PDK2: variants seen among roughly 807,000 people sequenced by gnomAD.
The protein encoded by PDK2 is pyruvate dehydrogenase kinase, isozyme 2.
In PDK2, 34 loss-of-function variants were observed where a neutral mutation model predicts 50.4. The observed-to-expected ratio is 0.68, with a 90% CI of 0.51 to 0.90. The LOEUF is 0.90. PDK2 is among the 40% of genes least tolerant of loss of function. PDK2 has a pLI of 0.00. For synonymous variants in PDK2, 232 were observed against 216.0 expected (o/e 1.07, Z -0.65); for missense variants, 377 against 544.5 (o/e 0.69, Z 3.06).
At chr17:50,108,511 C>A in intron 8 of PDK2, 94 bp downstream of exon 8, 2 of 1,339,192 alleles carry the variant, frequency 1.5e-6, no homozygotes, top group African/African-American at 1.4e-5. Context: ...ACATGGTGGG[C>A]AGATCCTGGG....
chr17:50,101,975 A>G lies in PDK2; in HGVS notation c.261-3396A>G, dbSNP rs1039882853. On this transcript the variant is annotated intron_variant, in intron 2 of 10. Coordinates refer to ENST00000503176, the MANE Select transcript of PDK2 (RefSeq NM_002611.5). This position sits in a 1 kb window ranked among gnomAD's most constrained non-coding sequence, Gnocchi z 4.2. ...CAGGTCCTGGGGAGGGGTGGGGGCA[A>G]TGCCTCTCCCGCCTGTTGGTGCCTG... 12 of 152,224 alleles carry G rather than the reference A, an allele frequency of 7.9e-5. No individual in the cohort carries two copies. Among genetic ancestry groups the G allele is most frequent in the African/African-American group, 2.9e-4 (12 of 41,404 alleles). 9.4% of individuals were successfully genotyped at this position (152,224 alleles called of 1,614,324 possible). A position where few individuals can be genotyped will look rare whatever the true frequency, so the allele number is the denominator to read the frequency against.
intron 4 of PDK2, 41 bp downstream of exon 4, chr17:50,106,110 G>C (rs995944731): frequency 1.3e-6 from 2 of 1,556,114 alleles, no homozygotes; most frequent in Non-Finnish European, 1.7e-6. Context: ...GCGGTGGGGG[G>C]GGCGGTGCTG....
chr17:50,108,039 C>A (rs1910607999), intron 6 of PDK2, 117 bp from the exon 7 acceptor site: 1 of 774,722 alleles, frequency 1.3e-6, no homozygotes, highest in Non-Finnish European at 2.2e-6. Context: ...GATTTAGTCT[C>A]TCGCTGGGCA....
At chr17:50,105,295 G>A (rs9902933) in intron 2 of PDK2, 76 bp from the exon 3 acceptor site, 4 of 1,063,208 alleles carry the variant, frequency 3.8e-6, no homozygotes, top group African/African-American at 3.2e-5. Context: ...CAAGAGCAAG[G>A]CCCAGTTGAA....
At chr17:50,105,833 AG>A in intron 3 of PDK2, 51 bp from the exon 4 acceptor site, 1 of 1,584,522 alleles carries the variant, frequency 6.3e-7, no homozygotes, top group Non-Finnish European at 8.6e-7. Flanking sequence ...GGGAGTCAGA[AG>A]CGGAGAAGAG....
chr17:50,111,008 G>A lies in PDK2; in HGVS notation c.*911G>A, dbSNP rs1445093927. 1 of 152,236 alleles carries A rather than the reference G, an allele frequency of 6.6e-6. No individual in the cohort carries two copies. The highest frequency in any genetic ancestry group is 2.4e-5 in the African/African-American group (1 of 41,440). 9.4% of individuals were successfully genotyped at this position (152,236 alleles called of 1,614,324 possible). On this transcript the variant is annotated 3_prime_UTR_variant, in exon 11 of 11. Coordinates refer to ENST00000503176, the MANE Select transcript of PDK2 (RefSeq NM_002611.5). Reference sequence around the variant, plus strand: ...AAGCTGTGTGTCCCTCCCAGTGGCTGTGGCAGTGACAGTGACACCCACACC... The same window carrying A: ...AAGCTGTGTGTCCCTCCCAGTGGCTATGGCAGTGACAGTGACACCCACACC...
chr17:50,097,505 G>C lies in PDK2; in HGVS notation c.201G>C (p.Glu67Asp). ...LPVRLANIMK[E>D]INLLPDRVLS... is the part of the protein sequence containing the mutation. The stretch of plus-strand genomic sequence containing the variant: ...TGCGCCTGGCCAACATCATGAAAGA[G>C]ATCAACCTGCTTCCCGACCGAGTGC... The change falls in exon 2 of 11, where the codon GAG becomes GAC. Residue 67 changes from glutamate to aspartate, a missense_variant. Transcript: ENST00000503176. 1 of 1,613,974 alleles carries C rather than the reference G, an allele frequency of 6.2e-7. No homozygotes were observed. The highest frequency in any genetic ancestry group is 8.5e-7 in the Non-Finnish European group (1 of 1,180,022).
At chr17:50,108,461 G>A in intron 8 of PDK2, 44 bp downstream of exon 8, 1 of 1,511,782 alleles carries the variant, frequency 6.6e-7, no homozygotes, top group African/African-American at 1.4e-5. Context: ...CAGTAGTGGG[G>A]GCTTCCCTCC....
chr17:50,110,968 A>G lies in PDK2; in HGVS notation c.*871A>G, dbSNP rs924892537. The G allele has an allele frequency of 2.0e-5, 3 of 152,260 alleles. No homozygotes were observed. The highest frequency in any genetic ancestry group is 7.2e-5 in the African/African-American group (3 of 41,430). 9.4% of individuals were successfully genotyped at this position (152,260 alleles called of 1,614,324 possible). On this transcript the variant is annotated 3_prime_UTR_variant, in exon 11 of 11. Coordinates refer to ENST00000503176, the MANE Select transcript of PDK2 (RefSeq NM_002611.5). ...CCTGAATGCCCCCACCCTTCCCCTAAGCACACAGGGGTTAAAGCTGTGTGT... is the reference window on the plus strand; with the variant it reads ...CCTGAATGCCCCCACCCTTCCCCTAGGCACACAGGGGTTAAAGCTGTGTGT...
Position 50,106,882 on chromosome 17 carries a change from A to G in PDK2, c.606A>G (p.Lys202=). ...DPNCNVSEVV[K]DAYDMAKLLC... The stretch of plus-strand genomic sequence containing the variant: ...ACTGCAACGTCTCTGAGGTGGTCAA[A>G]GGTGAGCCATTCCCACGGTGCCTGG... The change falls in exon 5 of 11, where the codon AAA becomes AAG. Residue 202 remains lysine, a splice_region_variant and synonymous_variant. Coordinates refer to ENST00000503176, the MANE Select transcript of PDK2 (RefSeq NM_002611.5). 1 of 1,613,692 alleles carries G rather than the reference A, an allele frequency of 6.2e-7. No homozygotes were observed. Among genetic ancestry groups the G allele is most frequent in the Non-Finnish European group, 8.5e-7 (1 of 1,179,636 alleles).
chr17:50,095,950 G>A lies in PDK2; in HGVS notation c.118+397G>A, dbSNP rs555417458. Reference sequence around the variant, plus strand: ...CACCAGAGGAAACCGGGGGTCTGCTGGTGGGAGTGAGGAGGCAGGGTTTAG... The same window carrying A: ...CACCAGAGGAAACCGGGGGTCTGCTAGTGGGAGTGAGGAGGCAGGGTTTAG... On this transcript the variant is annotated intron_variant, in intron 1 of 10. Transcript: ENST00000503176. 1.4e-5 allele frequency: 7 copies of A among 500,056 alleles called. No homozygotes were observed. The East Asian group carries it at 1.0e-3, about 72-fold the overall frequency. The allele number at this position is 500,056 out of a possible 1,614,324, so 31.0% of individuals were successfully genotyped here.
At chr17:50,099,515 C>T (rs2144350021) in intron 2 of PDK2, among the ~76,000 whole-genome samples, 1 of 152,378 alleles carries the variant, frequency 6.6e-6, no homozygotes, top group South Asian at 2.1e-4. Context: ...CAGCTTAGGC[C>T]GGGCGCGGTG....
chr17:50,107,756 A>G (rs1453460887), intron 6 of PDK2, among the ~76,000 whole-genome samples: 2 of 152,138 alleles, frequency 1.3e-5, no homozygotes, highest in Admixed American at 6.5e-5. Flanking sequence ...ATGGGAAGGA[A>G]ATAAAATGGG....
chr17:50,094,805 G>A (rs115904699), upstream of PDK2: 3,300 of 152,522 alleles, frequency 0.022, 105 homozygotes, highest in African/African-American at 0.07. Flanking sequence ...GATTCGTATA[G>A]GCTTGCACCC....
intron 2 of PDK2, among the ~76,000 whole-genome samples, chr17:50,103,193 A>C (rs1043134134): frequency 6.6e-6 from 1 of 151,956 alleles, no homozygotes; most frequent in Non-Finnish European, 1.5e-5. Flanking sequence ...AGAAAGGCTG[A>C]TCTTTTCTGC....
intron 2 of PDK2, 26 bp from the exon 3 acceptor site, chr17:50,105,345 C>T: frequency 6.4e-7 from 1 of 1,563,254 alleles, no homozygotes; most frequent in Non-Finnish European, 8.7e-7. Context: ...GAAGCTGAGG[C>T]TGTGTCCCCT....
In PDK2 at chr17:50,108,358, C is replaced by T. The variant is rs142185318; in HGVS notation, c.802C>T (p.Leu268Phe). Residue 268 changes from leucine to phenylalanine, a missense_variant, in exon 8 of 11, where the codon CTC (leucine) becomes TTC (phenylalanine). By Grantham distance (22) the Leu-to-Phe change is conservative. This residue lies in a region of PDK2 where 214 missense variants were observed against 294.0 expected (regional missense o/e 0.73). Transcript: ENST00000503176. ...GACTGTGGAAAGCCATGAGTCCAGC[C>T]TCATTCTCCCACCCATCAAGGTCAT... ...RATVESHESS[L>F]ILPPIKVMVA... is the part of the protein sequence containing the mutation. 572 of 1,614,162 alleles carry T rather than the reference C, an allele frequency of 3.5e-4. 1 individual carries two copies. The African/African-American group carries it at 7.0e-3, about 20-fold the overall frequency.
chr17:50,095,927 C>A, intron 1 of PDK2: 2 of 541,740 alleles, frequency 3.7e-6, no homozygotes, highest in Non-Finnish European at 4.8e-6. Context: ...CCTCCTCCCA[C>A]CAGAGGAAAC....
At chr17:50,096,810 C>T (rs1909973769) in intron 1 of PDK2, among the ~76,000 whole-genome samples, 1 of 152,210 alleles carries the variant, frequency 6.6e-6, no homozygotes, top group South Asian at 2.1e-4. Flanking sequence ...GGGCCCCTGA[C>T]CCTGGGCCAA....
Sources: allele counts gnomAD v4.1 joint callset (sites outside exome capture counted in the v4.1 genomes callset), GRCh38; gene constraint gnomAD v4.1.1; regional missense constraint gnomAD v4.1.1; non-coding constraint Gnocchi (gnomAD v3.1); transcripts MANE v1.5; gene names NCBI Gene and HGNC (gene_info 2026-07-23, HGNC 2026-07-21).